The following ALK variants were observed in gnomAD, a reference collection of about 807,000 sequenced individuals.
The protein encoded by ALK is ALK tyrosine kinase receptor.
ALK carries 74 observed loss-of-function variants against 163.1 expected under a neutral mutation model. The ratio of observed to expected loss-of-function variants is 0.45; its 90% confidence interval spans 0.38 to 0.55. ALK has a LOEUF of 0.55. Ranked by LOEUF, ALK falls within the 20% of genes least tolerant of loss-of-function variation. The pLI is 0.00. For synonymous variants in ALK, 960 were observed against 843.2 expected, an observed-to-expected ratio of 1.14 and a Z score of -2.40; for missense variants, 2,063 against 2,105.3, an observed-to-expected ratio of 0.98 and a Z score of 0.39.
At chr2:29,384,764 GGTATAATTGAT>G (rs1341567280) in intron 4 of ALK, among the ~76,000 whole-genome samples, 1 of 152,032 alleles carries the variant, frequency 6.6e-6, no homozygotes, top group African/African-American at 2.4e-5. Context: ...ATTTTATTGA[GGTATAATTGAT>G]GTATAATAAA....
chr2:29,741,648 C>T (rs1285896118), intron 1 of ALK, among the ~76,000 whole-genome samples: 1 of 152,170 alleles, frequency 6.6e-6, no homozygotes, highest in Non-Finnish European at 1.5e-5. Flanking sequence ...GGTGACATCA[C>T]CTAGTCAATG....
At chr2:29,439,829 A>C (rs1177378604) in intron 4 of ALK, among the ~76,000 whole-genome samples, 1 of 152,226 alleles carries the variant, frequency 6.6e-6, no homozygotes, top group East Asian at 1.9e-4. Flanking sequence ...TAAGGATTCT[A>C]CCCAGAGTCT....
At chr2:29,691,046 CT>C (rs1678379831) in intron 3 of ALK, among the ~76,000 whole-genome samples, 2 of 152,308 alleles carry the variant, frequency 1.3e-5, no homozygotes, top group South Asian at 4.1e-4. Context: ...AGGTTGTTTT[CT>C]CTTCCTGAAC....
intron 2 of ALK, among the ~76,000 whole-genome samples, chr2:29,716,665 T>C (rs1208106658): frequency 1.3e-5 from 2 of 152,162 alleles, no homozygotes; most frequent in African/African-American, 4.8e-5. Flanking sequence ...TGTGTGATCT[T>C]ATTAAACCTA....
intron 4 of ALK, among the ~76,000 whole-genome samples, chr2:29,464,124 C>G (rs1671150383): frequency 6.6e-6 from 1 of 152,056 alleles, no homozygotes; most frequent in Non-Finnish European, 1.5e-5. Context: ...CAAAATTCAG[C>G]CTTGATGATA....
intron 1 of ALK, among the ~76,000 whole-genome samples, chr2:29,782,923 T>G (rs951503573): frequency 1.3e-5 from 2 of 152,188 alleles, no homozygotes; most frequent in Non-Finnish European, 1.5e-5. Flanking sequence ...GACCATATTC[T>G]AGAAGGATGT....
At chr2:29,494,066 G>A (rs994900091) in intron 4 of ALK, among the ~76,000 whole-genome samples, 3 of 152,166 alleles carry the variant, frequency 2.0e-5, no homozygotes, top group African/African-American at 7.2e-5. Flanking sequence ...TCCTCCTATG[G>A]GCAATAAGAA....
At chr2:29,441,123 C>T (rs1414457909) in intron 4 of ALK, among the ~76,000 whole-genome samples, 1 of 152,220 alleles carries the variant, frequency 6.6e-6, no homozygotes, top group Non-Finnish European at 1.5e-5. Flanking sequence ...GTAGTGCTGG[C>T]ACGCCCTGCT....
chr2:29,610,988 G>T, intron 3 of ALK, among the ~76,000 whole-genome samples: 1 of 152,086 alleles, frequency 6.6e-6, no homozygotes, highest in Non-Finnish European at 1.5e-5. Context: ...CCCCTTTGTT[G>T]CCTACTTCTC....
chr2:29,746,808 A>G (rs772183767), intron 1 of ALK, among the ~76,000 whole-genome samples: 2 of 152,216 alleles, frequency 1.3e-5, no homozygotes, highest in African/African-American at 4.8e-5. Context: ...TGTTTGAACC[A>G]TATGCCTAGT....
chr2:29,765,417 T>C (rs1179413351), intron 1 of ALK, among the ~76,000 whole-genome samples: 1 of 152,190 alleles, frequency 6.6e-6, no homozygotes, highest in Non-Finnish European at 1.5e-5. Flanking sequence ...TTGATACCTC[T>C]GCTCCCATCC....
At chr2:29,565,442 T>A (rs192278813) in intron 3 of ALK, among the ~76,000 whole-genome samples, 5 of 151,948 alleles carry the variant, frequency 3.3e-5, no homozygotes, top group Admixed American at 1.3e-4. Context: ...GGGAGGCCGG[T>A]GGAAAGGAAA....
At chr2:29,512,390 C>A (rs1317548564) in intron 4 of ALK, among the ~76,000 whole-genome samples, 2 of 148,320 alleles carry the variant, frequency 1.3e-5, no homozygotes, top group African/African-American at 2.5e-5. Flanking sequence ...GAGCCAAAGA[C>A]AAAAACCACA....
intron 28 of ALK, among the ~76,000 whole-genome samples, chr2:29,195,490 TG>T (rs1668999781): frequency 6.6e-6 from 1 of 152,266 alleles, no homozygotes; most frequent in East Asian, 1.9e-4. Flanking sequence ...GGCAGCACTT[TG>T]GGAGGCCGAG....
chr2:29,700,497 C>A (rs112990756), intron 2 of ALK, among the ~76,000 whole-genome samples: 1 of 152,046 alleles, frequency 6.6e-6, no homozygotes, highest in African/African-American at 2.4e-5. Context: ...TGAGCCGAGA[C>A]CCCACCATTG....
At position 29,330,725 on chromosome 2, in the gene ALK, T is replaced by C. The variant is rs77588490; in HGVS notation, c.1283-2244A>G. On this transcript the variant is annotated intron_variant, in intron 5 of 28. Transcript: ENST00000389048. ...GGGTTGGGGGGTATGGGCAATGTGA[T>C]CACCAGACAAGACAGTCAAAGTAAG... Among the ~76,000 whole-genome samples the C allele has an allele frequency of 5.0e-3, 767 of 152,138 alleles. 8 individuals are homozygous for C. Among genetic ancestry groups the C allele is most frequent in the African/African-American group, 0.018 (738 of 41,492 alleles).
In ALK at chr2:29,420,134, G is replaced by A. The variant is rs541790065; in HGVS notation, c.1155-36275C>T. Among the ~76,000 whole-genome samples, 147 of 140,160 alleles carry A rather than the reference G, an allele frequency of 1.0e-3. 1 individual carries two copies. Among genetic ancestry groups the A allele is most frequent in the Middle Eastern group, 3.7e-3 (1 of 270 alleles). The allele number at this position is 140,160 out of a possible 152,430, so 92.0% of individuals were successfully genotyped here. On this transcript the variant is annotated intron_variant, in intron 4 of 28. Transcript: ENST00000389048. ...ATGGTGCCACTGCACTCCAGCCTGG[G>A]TGACAAAGTGAGACCCTGTCTTAAA...
chr2:29,242,397 C>T (rs1283771022), intron 12 of ALK, among the ~76,000 whole-genome samples: 1 of 152,218 alleles, frequency 6.6e-6, no homozygotes, highest in African/African-American at 2.4e-5. Context: ...TTGCATCAAC[C>T]ATGCATTATG....
intron 11 of ALK, among the ~76,000 whole-genome samples, chr2:29,251,916 C>G (rs1260108362): frequency 2.0e-5 from 3 of 152,228 alleles, no homozygotes; most frequent in Non-Finnish European, 4.4e-5. Context: ...GTCAGACGCT[C>G]CCTAACAGAC....
Sources: gnomAD v4.1 joint callset for allele counts (sites outside exome capture counted in the v4.1 genomes callset) on GRCh38, gnomAD v4.1.1 for gene constraint, MANE v1.5 for transcripts, NCBI Gene and HGNC (gene_info 2026-07-23, HGNC 2026-07-21) for gene names.